SMG6: variants seen among roughly 807,000 people sequenced by gnomAD.
SMG6 encodes the protein telomerase-binding protein EST1A.
SMG6 carries 66 observed loss-of-function variants against 142.2 expected under a neutral mutation model. The ratio of observed to expected loss-of-function variants is 0.46; its 90% confidence interval spans 0.38 to 0.57. The LOEUF (loss-of-function observed/expected upper bound fraction) is 0.57, where lower values mean the gene tolerates loss of function less well. Ranked by LOEUF, SMG6 falls within the 20% of genes least tolerant of loss-of-function variation. The pLI, the probability that SMG6 is intolerant of heterozygous loss-of-function variation, is 0.00. For synonymous variants in SMG6, 779 were observed against 702.4 expected, an observed-to-expected ratio of 1.11 and a Z score of -1.72; for missense variants, 1,793 against 1,832.0, an observed-to-expected ratio of 0.98 and a Z score of 0.39.
chr17:2,119,974 C>T (rs982021827), intron 13 of SMG6, among the ~76,000 whole-genome samples: 1 of 151,756 alleles, frequency 6.6e-6, no homozygotes, highest in Non-Finnish European at 1.5e-5. Context: ...GTCCAGCTAA[C>T]GTCTTATATT....
chr17:2,223,462 G>C (rs1417940566), intron 10 of SMG6, among the ~76,000 whole-genome samples: 1 of 152,124 alleles, frequency 6.6e-6, no homozygotes, highest in East Asian at 1.9e-4. Flanking sequence ...TTCTGAAAAG[G>C]AAACTGAGAC....
At chr17:2,155,175 C>A (rs1420786056) in intron 13 of SMG6, among the ~76,000 whole-genome samples, 1 of 151,892 alleles carries the variant, frequency 6.6e-6, no homozygotes, top group Non-Finnish European at 1.5e-5. Flanking sequence ...GCCTTAGCAC[C>A]CCTAGCAGCT....
chr17:2,143,637 C>G (rs2070559973), intron 13 of SMG6, among the ~76,000 whole-genome samples: 1 of 152,104 alleles, frequency 6.6e-6, no homozygotes. Flanking sequence ...TGAAAATGTT[C>G]TGAAATTAGT....
chr17:2,069,500 A>AT (rs1597328656), intron 15 of SMG6, among the ~76,000 whole-genome samples: 1 of 151,736 alleles, frequency 6.6e-6, no homozygotes, highest in African/African-American at 2.4e-5. Flanking sequence ...GGAGGCTGAC[A>AT]TGGGAGGATT....
chr17:2,134,041 A>G (rs949398676), intron 13 of SMG6, among the ~76,000 whole-genome samples: 2 of 152,128 alleles, frequency 1.3e-5, no homozygotes, highest in African/African-American at 4.8e-5. Flanking sequence ...ATAAAACTGT[A>G]TGTTTAGGCC....
At chr17:2,164,128 T>C (rs981496256) in intron 13 of SMG6, among the ~76,000 whole-genome samples, 3 of 151,632 alleles carry the variant, frequency 2.0e-5, no homozygotes, top group Non-Finnish European at 4.4e-5. Flanking sequence ...TATAAAAACT[T>C]AGCCAGAGAG....
intron 10 of SMG6, among the ~76,000 whole-genome samples, chr17:2,234,992 CTG>C (rs1350873662): frequency 6.6e-6 from 1 of 152,212 alleles, no homozygotes; most frequent in Non-Finnish European, 1.5e-5. Context: ...TCACTGAACT[CTG>C]TGGGTTGTTT....
intron 10 of SMG6, among the ~76,000 whole-genome samples, chr17:2,193,337 C>T (rs563077904): frequency 6.6e-6 from 1 of 152,324 alleles, no homozygotes; most frequent in East Asian, 1.9e-4. Context: ...AGCCGAAATG[C>T]TTCCTGTACA....
intron 10 of SMG6, chr17:2,235,665 G>GA (rs2073631060): frequency 6.6e-6 from 1 of 152,504 alleles, no homozygotes; most frequent in African/African-American, 2.4e-5. Context: ...AGGCAGCATG[G>GA]ACCAAATTAC....
Position 2,283,697 on chromosome 17 carries a change from A to G in SMG6, c.2376T>C (p.Ser792=), listed in dbSNP as rs1428694214. Residue 792 remains serine, a synonymous_variant, in exon 7 of 19, where the codon AGT becomes AGC. Coordinates refer to ENST00000263073, the MANE Select transcript of SMG6 (RefSeq NM_017575.5). The part of the protein sequence containing the change: ...KLDAVYYYMR[S]LAASNPILTA... Reference sequence around the variant, plus strand: ...TCAGGATAGGGTTGCTGGCAGCTAAACTGCGCATATAGTAATAGACAGCGT... The same window carrying G: ...TCAGGATAGGGTTGCTGGCAGCTAAGCTGCGCATATAGTAATAGACAGCGT... 6.2e-7 allele frequency: 1 copy of G among 1,614,102 alleles called. No homozygotes were observed. Among genetic ancestry groups the G allele is most frequent in the Admixed American group, 1.7e-5 (1 of 59,996 alleles).
At chr17:2,209,520 G>A (rs577767983) in intron 10 of SMG6, among the ~76,000 whole-genome samples, 84 of 152,034 alleles carry the variant, frequency 5.5e-4, no homozygotes, top group Non-Finnish European at 1.0e-3. Context: ...GTGTCACCAC[G>A]CCCCGGCTAA....
Position 2,188,575 on chromosome 17 carries a change from C to A in SMG6, c.2870-60G>T, listed in dbSNP as rs1597557580. 2.8e-6 allele frequency: 4 copies of A among 1,444,418 alleles called. No individual in the cohort carries two copies. In the East Asian group the frequency reaches 9.1e-5, roughly 33 times the overall value. The allele number at this position is 1,444,418 out of a possible 1,614,324, so 89.5% of individuals were successfully genotyped here. A position where few individuals can be genotyped will look rare whatever the true frequency, so the allele number is the denominator to read the frequency against. On this transcript the variant is annotated intron_variant, in intron 10 of 18. Transcript: ENST00000263073. The stretch of plus-strand genomic sequence containing the variant: ...GGCGGACAAGATGCACATCACTGGC[C>A]ACGTTACCGAGCTTCCTTTTCCTCA...
At chr17:2,120,650 G>C (rs1206592109) in intron 13 of SMG6, among the ~76,000 whole-genome samples, 1 of 152,186 alleles carries the variant, frequency 6.6e-6, no homozygotes, top group East Asian at 1.9e-4. Context: ...CCGAACCCAG[G>C]AGGTCAAGTC....
chr17:2,253,440 G>A (rs1222479488), intron 8 of SMG6, among the ~76,000 whole-genome samples: 3 of 151,854 alleles, frequency 2.0e-5, no homozygotes, highest in African/African-American at 7.3e-5. Context: ...GATCGTTACA[G>A]AAAAAAAATG....
chr17:2,201,442 C>T lies in SMG6; in HGVS notation c.2870-12927G>A, dbSNP rs372776453. Among the ~76,000 whole-genome samples, 122 of 152,184 alleles carry T rather than the reference C, an allele frequency of 8.0e-4. 1 individual carries two copies. Among genetic ancestry groups the T allele is most frequent in the African/African-American group, 2.9e-3 (119 of 41,520 alleles). On this transcript the variant is annotated intron_variant, in intron 10 of 18. Coordinates refer to ENST00000263073, the MANE Select transcript of SMG6 (RefSeq NM_017575.5). ...GGCACAGTGACTCACACCTGTAACC[C>T]CAGCACTTTAGAAGGCTGAGGTGTG...
intron 6 of SMG6, 102 bp from the exon 7 acceptor site, chr17:2,283,837 C>T: frequency 1.2e-6 from 1 of 822,560 alleles, no homozygotes; most frequent in Non-Finnish European, 2.0e-6. Context: ...CAGCCTGTCT[C>T]CCAAACTGAG....
chr17:2,136,719 C>A (rs1418496677), intron 13 of SMG6, among the ~76,000 whole-genome samples: 1 of 151,720 alleles, frequency 6.6e-6, no homozygotes, highest in Non-Finnish European at 1.5e-5. Flanking sequence ...AAAGGCCTCA[C>A]CTTTTTTTCC....
At position 2,068,949 on chromosome 17, in the gene SMG6, T is replaced by A; in HGVS notation, c.3682-18A>T. 4 of 1,612,242 alleles carry A rather than the reference T, an allele frequency of 2.5e-6. No homozygotes were observed. Among genetic ancestry groups the A allele is most frequent in the Non-Finnish European group, 3.4e-6 (4 of 1,178,668 alleles). On this transcript the variant is annotated intron_variant, in intron 15 of 18. Transcript: ENST00000263073. This position sits in a 1 kb window ranked among gnomAD's most constrained non-coding sequence, Gnocchi z 6.7. ...AGGACAGCCTATGGGGACAGAGTGGTGAATGAGCCAGACAGCGAGCAGGCA... is the reference window on the plus strand; with the variant it reads ...AGGACAGCCTATGGGGACAGAGTGGAGAATGAGCCAGACAGCGAGCAGGCA...
rs147554048 is a variant in SMG6, at chr17:2,087,326, G to A, written c.3358-1425C>T. On this transcript the variant is annotated intron_variant, in intron 13 of 18. Coordinates refer to ENST00000263073, the MANE Select transcript of SMG6 (RefSeq NM_017575.5). ...AAGACAGTGGAAATAAATGAGCACC[G>A]CTGTGCAGGCTGGCTGCCCAGGAAA... The A allele has an allele frequency of 1.2e-3, 1,407 of 1,213,780 alleles. 7 individuals are homozygous for A. In the African/African-American group the frequency reaches 0.012, roughly 10 times the overall value. 75.2% of individuals were successfully genotyped at this position (1,213,780 alleles called of 1,614,324 possible).
Sources: allele counts gnomAD v4.1 joint callset (sites outside exome capture counted in the v4.1 genomes callset), GRCh38; gene constraint gnomAD v4.1.1; non-coding constraint Gnocchi (gnomAD v3.1); transcripts MANE v1.5; gene names NCBI Gene and HGNC (gene_info 2026-07-23, HGNC 2026-07-21).